TENT2: variants seen among roughly 807,000 people sequenced by gnomAD.
TENT2 encodes the protein terminal nucleotidyltransferase 2.
In TENT2, 44 loss-of-function variants were observed where a neutral mutation model predicts 72.2. That is an observed-to-expected ratio of 0.61 (90% confidence interval 0.48 to 0.78). The LOEUF (loss-of-function observed/expected upper bound fraction) is 0.78, where lower values mean the gene tolerates loss of function less well. Ranked by LOEUF, TENT2 falls within the 30% of genes least tolerant of loss-of-function variation. TENT2 has a pLI of 0.00. For synonymous variants in TENT2, 212 were observed against 192.5 expected, an observed-to-expected ratio of 1.10 and a Z score of -0.84; for missense variants, 541 against 569.6, an observed-to-expected ratio of 0.95 and a Z score of 0.51.
chr5:79,665,051 T>C lies in TENT2; in HGVS notation c.1072-3841T>C, dbSNP rs370434947. On this transcript the variant is annotated intron_variant, in intron 11 of 14. Coordinates refer to ENST00000453514, the MANE Select transcript of TENT2 (RefSeq NM_001114394.3). Reference sequence around the variant, plus strand: ...TCAGATATAATTAAAGGAAATTTTATGGTGAATCTTTAACATACATCACCA... The same window carrying C: ...TCAGATATAATTAAAGGAAATTTTACGGTGAATCTTTAACATACATCACCA... 3.0e-4 allele frequency among the ~76,000 whole-genome samples: 45 copies of C among 152,360 alleles called. 2 individuals carry two copies. Among genetic ancestry groups the C allele is most frequent in the African/African-American group, 1.0e-3 (43 of 41,586 alleles).
intron 4 of TENT2, among the ~76,000 whole-genome samples, chr5:79,635,313 A>G (rs942071827): frequency 6.6e-6 from 1 of 152,218 alleles, no homozygotes; most frequent in Admixed American, 6.5e-5. Context: ...GTGAATCCCC[A>G]AGTTAATGGG....
intron 10 of TENT2, among the ~76,000 whole-genome samples, chr5:79,655,762 C>A (rs1413858655): frequency 1.4e-5 from 2 of 146,664 alleles, no homozygotes; most frequent in Non-Finnish European, 1.5e-5. Context: ...TTTTTTTTTA[C>A]TAATATTCTC....
intron 4 of TENT2, among the ~76,000 whole-genome samples, chr5:79,635,944 CA>C (rs1420926735): frequency 2.0e-5 from 3 of 152,176 alleles, no homozygotes; most frequent in Admixed American, 1.3e-4. Flanking sequence ...TTCTCTACAT[CA>C]GGGGTTGGCA....
intron 12 of TENT2, among the ~76,000 whole-genome samples, chr5:79,673,782 A>G (rs1814939360): frequency 6.6e-6 from 1 of 152,168 alleles, no homozygotes; most frequent in Non-Finnish European, 1.5e-5. Flanking sequence ...ATATAAGCCT[A>G]GAGTCAGGAG....
chr5:79,683,544 A>C (rs1823878571), intron 14 of TENT2, among the ~76,000 whole-genome samples: 1 of 152,120 alleles, frequency 6.6e-6, no homozygotes, highest in African/African-American at 2.4e-5. Context: ...ATAAAATATA[A>C]GTATTCTATT....
rs1783948478 is a variant in TENT2, at chr5:79,640,907, A to C, written c.522A>C (p.Leu174Phe). 2 of 1,612,554 alleles carry C rather than the reference A, an allele frequency of 1.2e-6. No homozygotes were observed. Among genetic ancestry groups the C allele is most frequent in the African/African-American group, 2.7e-5 (2 of 74,808 alleles). Reference protein sequence around the residue: ...FETCQQQISDLKKKELCRTQL... With the variant: ...FETCQQQISDFKKKELCRTQL... ...CATGTCAGCAGCAAATAAGTGATTT[A>C]AAGAAGAAAGAACTCTGTCGAACAC... is the stretch of plus-strand genomic sequence containing the variant. The change falls in exon 5 of 15, where the codon TTA becomes TTC. Residue 174 changes from leucine to phenylalanine, a missense_variant. Leu to Phe is a conservative substitution (Grantham distance 22, BLOSUM62 0). Coordinates refer to ENST00000453514, the MANE Select transcript of TENT2 (RefSeq NM_001114394.3).
rs953101472 is a variant in TENT2, at chr5:79,645,122, G to T, written c.752-1G>T. 3.1e-6 allele frequency: 5 copies of T among 1,594,404 alleles called. No individual in the cohort carries two copies. The highest frequency in any genetic ancestry group is 4.3e-6 in the Non-Finnish European group (5 of 1,171,482). On this transcript the variant is annotated splice_acceptor_variant, in intron 7 of 14. Transcript: ENST00000453514. LOFTEE classifies it high-confidence loss of function. ...TATTCACATTATCTTTTGTCTTTCA[G>T]CGGGCTACATTGAGAGACCTCAGCT... is the stretch of plus-strand genomic sequence containing the variant.
chr5:79,628,302 C>T (rs868702605), intron 4 of TENT2, among the ~76,000 whole-genome samples: 1 of 152,168 alleles, frequency 6.6e-6, no homozygotes, highest in South Asian at 2.1e-4. Flanking sequence ...CTTGAATGCA[C>T]AGTAGAATGC....
rs537135697 is a variant in TENT2, at chr5:79,670,497, G to A, written c.1208+1469G>A. ...CCGTGACCACGCCTGGCTAATTTTT[G>A]TATTTTTAGTAGAGATGGGGTTTCA... On this transcript the variant is annotated intron_variant, in intron 12 of 14. Coordinates refer to ENST00000453514, the MANE Select transcript of TENT2 (RefSeq NM_001114394.3). 1.3e-3 allele frequency among the ~76,000 whole-genome samples: 193 copies of A among 151,464 alleles called. 1 individual carries two copies. Among genetic ancestry groups the A allele is most frequent in the African/African-American group, 4.5e-3 (187 of 41,294 alleles).
chr5:79,680,164 C>G (rs1480389763), intron 13 of TENT2, among the ~76,000 whole-genome samples: 1 of 152,068 alleles, frequency 6.6e-6, no homozygotes, highest in African/African-American at 2.4e-5. Flanking sequence ...AAACTGACTT[C>G]AAGGGACAAA....
chr5:79,642,506 T>A (rs1785275556), intron 6 of TENT2, among the ~76,000 whole-genome samples: 1 of 152,080 alleles, frequency 6.6e-6, no homozygotes, highest in Non-Finnish European at 1.5e-5. Flanking sequence ...GGGCTAAAAT[T>A]CTGTTTATTT....
intron 13 of TENT2, chr5:79,681,763 C>T (rs1299958565): frequency 5.2e-6 from 2 of 382,748 alleles, no homozygotes; most frequent in African/African-American, 4.1e-5. Flanking sequence ...CATTTTTGAT[C>T]ACCCTCTCCC....
chr5:79,649,341 A>C (rs1302101142), intron 10 of TENT2, 151 bp downstream of exon 10: 3 of 708,138 alleles, frequency 4.2e-6, no homozygotes, highest in Non-Finnish European at 6.5e-6. Context: ...GCTTTGGACA[A>C]ATGTTTCAGA....
intron 13 of TENT2, among the ~76,000 whole-genome samples, chr5:79,681,150 A>ATTTTTTTTTTTTTTTTTTTTTTTTTTTT (rs1158559796): frequency 4.5e-5 from 2 of 44,738 alleles, no homozygotes; most frequent in Non-Finnish European, 4.2e-5. Context: ...CTTTTCTTTG[A>ATTTTTTTTTTTTTTTTTTTTTTTTTTTT]TTTTTTTTTT....
At chr5:79,677,927 A>G (rs1258363755) in intron 12 of TENT2, among the ~76,000 whole-genome samples, 1 of 152,148 alleles carries the variant, frequency 6.6e-6, no homozygotes, top group Non-Finnish European at 1.5e-5. Context: ...CAGCCTCCTG[A>G]GTAGCTGGGA....
intron 12 of TENT2, among the ~76,000 whole-genome samples, chr5:79,674,930 A>G (rs896970793): frequency 2.0e-5 from 3 of 152,152 alleles, no homozygotes; most frequent in Middle Eastern, 3.2e-3. Context: ...ATTTTTTGAT[A>G]GATTGAGTAA....
intron 12 of TENT2, among the ~76,000 whole-genome samples, chr5:79,671,484 A>G (rs1812895206): frequency 6.6e-6 from 1 of 151,218 alleles, no homozygotes. Context: ...AGCTCACTGC[A>G]ACCTCCGCCT....
intron 3 of TENT2, 131 bp downstream of exon 3, chr5:79,620,214 G>A: frequency 1.8e-6 from 1 of 543,432 alleles, no homozygotes; most frequent in South Asian, 3.7e-5. Flanking sequence ...ACGATCAGAT[G>A]AGTCATGGAA....
At chr5:79,650,560 A>C (rs1793052084) in intron 10 of TENT2, among the ~76,000 whole-genome samples, 1 of 152,030 alleles carries the variant, frequency 6.6e-6, no homozygotes, top group Non-Finnish European at 1.5e-5. Context: ...TGCTCCTTGT[A>C]TTTAGATTCT....
Sources: gnomAD v4.1 joint callset for allele counts (sites outside exome capture counted in the v4.1 genomes callset) on GRCh38, gnomAD v4.1.1 for gene constraint, MANE v1.5 for transcripts, NCBI Gene and HGNC (gene_info 2026-07-23, HGNC 2026-07-21) for gene names.